Variants in EDIL3 observed in about 807,000 individuals in gnomAD.
EDIL3 encodes the protein EGF like and discoidin domains 3.
In EDIL3, 37 loss-of-function variants were observed where a neutral mutation model predicts 67.4. The ratio of observed to expected loss-of-function variants is 0.55; its 90% CI spans 0.42 to 0.72. EDIL3 has a LOEUF of 0.72. Among genes scored for constraint, EDIL3 ranks in the 30% least tolerant of loss-of-function variants. EDIL3 has a pLI of 0.00. For missense variants in EDIL3, 527 were observed against 586.3 expected (o/e 0.90, Z 1.04); for synonymous variants, 195 against 196.3 (o/e 0.99, Z 0.05).
At position 84,111,607 on chromosome 5, in the gene EDIL3, G is replaced by A. The variant is rs116326921; in HGVS notation, c.470-4777C>T. On this transcript the variant is annotated intron_variant, in intron 5 of 10. Transcript: ENST00000296591. ...CTTAAAAGATTCACATTCTAGTGGA[G>A]AGACAAATAATAAACAAACACTTAA... 8.7e-3 allele frequency among the ~76,000 whole-genome samples: 1,327 copies of A among 152,270 alleles called. 27 individuals carry two copies. Among genetic ancestry groups the A allele is most frequent in the African/African-American group, 0.03 (1,260 of 41,542 alleles).
chr5:84,037,020 T>C (rs75389697), intron 9 of EDIL3, among the ~76,000 whole-genome samples: 2,055 of 152,260 alleles, frequency 0.013, 41 homozygotes, highest in African/African-American at 0.047. Flanking sequence ...GCTGCAAGGC[T>C]GTATGGGTTC....
At chr5:84,008,140 TAGGGGTTGC>T (rs1170443096) in intron 9 of EDIL3, among the ~76,000 whole-genome samples, 1 of 152,010 alleles carries the variant, frequency 6.6e-6, no homozygotes, top group East Asian at 1.9e-4. Context: ...GAAAGGGTAG[TAGGGGTTGC>T]AGGAGTAAAG....
chr5:84,008,806 T>TTTGC (rs1561401385), intron 9 of EDIL3, among the ~76,000 whole-genome samples: 6 of 151,936 alleles, frequency 3.9e-5, no homozygotes, highest in Non-Finnish European at 7.4e-5. Context: ...TTTTGTTTTG[T>TTTGC]TTTGTTTTGT....
At chr5:84,052,639 A>G (rs959538531) in intron 9 of EDIL3, among the ~76,000 whole-genome samples, 9 of 152,178 alleles carry the variant, frequency 5.9e-5, no homozygotes, top group Non-Finnish European at 1.3e-4. Context: ...GGAAAACAAA[A>G]AAAGGCAGGG....
At chr5:83,958,028 G>A (rs894433525) in intron 10 of EDIL3, among the ~76,000 whole-genome samples, 6 of 151,382 alleles carry the variant, frequency 4.0e-5, no homozygotes, top group African/African-American at 1.5e-4. Flanking sequence ...TTTTCATAAG[G>A]GAATTGGCAA....
chr5:84,206,593 A>T (rs1743984390), intron 3 of EDIL3, among the ~76,000 whole-genome samples: 1 of 152,182 alleles, frequency 6.6e-6, no homozygotes, highest in African/African-American at 2.4e-5. Context: ...GACACAAACA[A>T]AAAAGAGAAT....
chr5:84,197,667 A>G (rs13183009), intron 3 of EDIL3, among the ~76,000 whole-genome samples: 4 of 151,728 alleles, frequency 2.6e-5, no homozygotes, highest in Non-Finnish European at 5.9e-5. Flanking sequence ...CAAAAAAAAA[A>G]AAGCAAACAA....
chr5:84,114,929 C>T (rs2112292004), intron 5 of EDIL3, among the ~76,000 whole-genome samples: 1 of 152,274 alleles, frequency 6.6e-6, no homozygotes, highest in East Asian at 1.9e-4. Flanking sequence ...CCCTCTGAGA[C>T]AATATGCTTC....
At chr5:84,327,163 T>C (rs755194347) in intron 1 of EDIL3, among the ~76,000 whole-genome samples, 4 of 152,006 alleles carry the variant, frequency 2.6e-5, no homozygotes, top group Non-Finnish European at 5.9e-5. Context: ...TTCTAGTATA[T>C]AATACATCAT....
At chr5:84,077,208 A>G (rs947625395) in intron 6 of EDIL3, among the ~76,000 whole-genome samples, 49 of 152,206 alleles carry the variant, frequency 3.2e-4, no homozygotes, top group Admixed American at 3.1e-3. Flanking sequence ...TGTTTGTGGC[A>G]TCAGTACAAA....
intron 4 of EDIL3, among the ~76,000 whole-genome samples, chr5:84,138,764 A>G (rs921139875): frequency 9.9e-5 from 15 of 152,174 alleles, no homozygotes; most frequent in Admixed American, 4.6e-4. Context: ...TCCTTAGGTA[A>G]TAACTTTCTC....
Position 84,133,635 on chromosome 5 carries a change from G to T in EDIL3, c.469+3606C>A, listed in dbSNP as rs549448207. ...GAGTGAGACTCCATCTCAAAATAAA[G>T]AAATAAATAAATAAAATGAACAAGG... On this transcript the variant is annotated intron_variant, in intron 5 of 10. Transcript: ENST00000296591. Among the ~76,000 whole-genome samples, 633 of 151,540 alleles carry T rather than the reference G, an allele frequency of 4.2e-3. 4 individuals carry two copies. Among genetic ancestry groups the T allele is most frequent in the Non-Finnish European group, 6.4e-3 (437 of 67,822 alleles).
At chr5:84,008,173 T>C (rs749097472) in intron 9 of EDIL3, among the ~76,000 whole-genome samples, 4 of 152,040 alleles carry the variant, frequency 2.6e-5, no homozygotes, top group Middle Eastern at 3.2e-3. Flanking sequence ...GGATGGTTAA[T>C]GGGTACAAAC....
chr5:84,288,929 T>C (rs1013962334), intron 1 of EDIL3, among the ~76,000 whole-genome samples: 1 of 152,096 alleles, frequency 6.6e-6, no homozygotes, highest in African/African-American at 2.4e-5. Flanking sequence ...AAATAAGTGC[T>C]CGAGAATACT....
At chr5:84,033,704 T>TAA (rs71605889) in intron 9 of EDIL3, among the ~76,000 whole-genome samples, 1,623 of 92,736 alleles carry the variant, frequency 0.018, 52 homozygotes, top group African/African-American at 0.053. Context: ...ACATTGTCTC[T>TAA]AAAAAAAAAA....
intron 1 of EDIL3, among the ~76,000 whole-genome samples, chr5:84,303,060 C>T (rs929337614): frequency 2.0e-5 from 3 of 152,122 alleles, no homozygotes; most frequent in African/African-American, 7.2e-5. Flanking sequence ...TATCTTTGAG[C>T]CATTGGTTCT....
At chr5:84,238,665 G>GTTTTGTT (rs3836847) in intron 2 of EDIL3, among the ~76,000 whole-genome samples, 1 of 101,106 alleles carries the variant, frequency 9.9e-6, no homozygotes, top group Non-Finnish European at 1.8e-5. Flanking sequence ...AAAATTAAAT[G>GTTTTGTT]TTTTTTTTTT....
chr5:84,081,890 C>T (rs534276071), intron 6 of EDIL3, among the ~76,000 whole-genome samples: 1 of 152,266 alleles, frequency 6.6e-6, no homozygotes, highest in South Asian at 2.1e-4. Flanking sequence ...AATCTCACCA[C>T]AGGGTCCATA....
intron 9 of EDIL3, among the ~76,000 whole-genome samples, chr5:84,034,657 A>C (rs909914099): frequency 6.6e-6 from 1 of 152,192 alleles, no homozygotes; most frequent in African/African-American, 2.4e-5. Context: ...TACACCTTTC[A>C]TAGATGCCAT....
Sources: gnomAD v4.1 joint callset for allele counts (sites outside exome capture counted in the v4.1 genomes callset) on GRCh38, gnomAD v4.1.1 for gene constraint, MANE v1.5 for transcripts, NCBI Gene and HGNC (gene_info 2026-07-23, HGNC 2026-07-21) for gene names.